CCDC30: variants seen among roughly 807,000 people sequenced by gnomAD.
CCDC30 encodes coiled-coil domain-containing protein 30.
In CCDC30, 70 loss-of-function variants were observed where a neutral mutation model predicts 100.2. The ratio of observed to expected loss-of-function variants is 0.70; its 90% CI spans 0.58 to 0.85. The LOEUF is 0.85. CCDC30 is among the 40% of genes least tolerant of loss of function. The pLI is 0.00. For missense variants in CCDC30, 652 were observed against 771.2 expected (o/e 0.85, Z 1.83); for synonymous variants, 233 against 269.5 (o/e 0.86, Z 1.33).
At chr1:42,534,222 G>A (rs928020828) in intron 6 of CCDC30, among the ~76,000 whole-genome samples, 39 of 137,752 alleles carry the variant, frequency 2.8e-4, no homozygotes, top group African/African-American at 1.3e-3. Flanking sequence ...AAGAAAATGA[G>A]GGGGGGGGTT....
chr1:42,583,400 A>G (rs1397363362), intron 9 of CCDC30, among the ~76,000 whole-genome samples: 2 of 152,214 alleles, frequency 1.3e-5, no homozygotes, highest in Non-Finnish European at 2.9e-5. Flanking sequence ...ATATATAGGG[A>G]AATTCTTCTA....
At chr1:42,621,542 C>T (rs1345610004) in intron 11 of CCDC30, among the ~76,000 whole-genome samples, 3 of 141,080 alleles carry the variant, frequency 2.1e-5, no homozygotes, top group African/African-American at 5.1e-5. Context: ...GATGGACTCT[C>T]GCTCTGTGGT....
chr1:42,533,919 C>T (rs1644848933), intron 6 of CCDC30: 1 of 151,984 alleles, frequency 6.6e-6, no homozygotes, highest in Non-Finnish European at 1.5e-5. Flanking sequence ...CATGCTAAGT[C>T]ATTAGTCCTC....
intron 12 of CCDC30, among the ~76,000 whole-genome samples, chr1:42,642,118 T>C (rs1038883256): frequency 3.6e-4 from 54 of 151,642 alleles, no homozygotes; most frequent in East Asian, 1.4e-3. Flanking sequence ...CCCAGCTACT[T>C]GGGAGGCTGA....
intron 8 of CCDC30, among the ~76,000 whole-genome samples, chr1:42,579,406 G>A (rs973661696): frequency 4.0e-5 from 6 of 151,750 alleles, no homozygotes; most frequent in Non-Finnish European, 8.8e-5. Context: ...GGCCAAGGTG[G>A]GTGGATCACC....
intron 6 of CCDC30, among the ~76,000 whole-genome samples, chr1:42,524,732 A>G (rs1569910156): frequency 6.6e-6 from 1 of 152,336 alleles, no homozygotes; most frequent in Non-Finnish European, 1.5e-5. Flanking sequence ...CTGCAGGGCT[A>G]AGAGCTTAAA....
chr1:42,480,794 C>T (rs757124548), intron 2 of CCDC30, among the ~76,000 whole-genome samples: 18 of 151,980 alleles, frequency 1.2e-4, no homozygotes, highest in Non-Finnish European at 2.1e-4. Flanking sequence ...CAGCTTTCAC[C>T]TTAGAAGTAT....
At chr1:42,456,961 G>C in the CCDC30 span, 1 of 1,604,648 alleles carries the variant, frequency 6.2e-7, no homozygotes, top group South Asian at 1.1e-5. Flanking sequence ...CTGAGGCTCT[G>C]AGGAGCTACC....
chr1:42,459,839 A>G (rs781766081), upstream of CCDC30: 8 of 1,614,108 alleles, frequency 5.0e-6, no homozygotes, highest in African/African-American at 9.3e-5. Context: ...TATCAGAGGA[A>G]GAAATAGAAA....
At chr1:42,556,096 TCCCG>T in intron 6 of CCDC30, 56 bp from the exon 10 acceptor site, 1 of 1,513,074 alleles carries the variant, frequency 6.6e-7, no homozygotes, top group Admixed American at 2.1e-5. Context: ...AGCTTTTTTT[TCCCG>T]ATTCTACTAC....
chr1:42,459,290 G>A (rs905199572), upstream of CCDC30: 1 of 274,076 alleles, frequency 3.6e-6, no homozygotes, highest in Non-Finnish European at 7.0e-6. Context: ...AGCCTCCTGA[G>A]TAGCTGGGAC....
At chr1:42,620,743 C>G (rs564677423) in intron 11 of CCDC30, among the ~76,000 whole-genome samples, 19 of 152,168 alleles carry the variant, frequency 1.2e-4, no homozygotes, top group South Asian at 4.1e-4. Context: ...AAAAGGCACA[C>G]AGCTCACAGA....
intron 6 of CCDC30, among the ~76,000 whole-genome samples, chr1:42,501,006 A>G (rs1644304878): frequency 6.6e-6 from 1 of 152,190 alleles, no homozygotes; most frequent in Non-Finnish European, 1.5e-5. Context: ...TATAAAGAGT[A>G]GAAGTTTTAA....
intron 1 of CCDC30, among the ~76,000 whole-genome samples, chr1:42,479,126 A>G (rs1261054245): frequency 6.6e-6 from 1 of 152,164 alleles, no homozygotes; most frequent in Non-Finnish European, 1.5e-5. Context: ...CTGTAATCTC[A>G]GCACTTTGGG....
intron 10 of CCDC30, among the ~76,000 whole-genome samples, chr1:42,601,887 G>T (rs1397521693): frequency 2.0e-5 from 3 of 152,176 alleles, no homozygotes; most frequent in African/African-American, 7.2e-5. Context: ...TTTGGATCAA[G>T]AATTCAAAAT....
At chr1:42,540,199 G>A (rs974948037) in intron 6 of CCDC30, among the ~76,000 whole-genome samples, 46 of 152,320 alleles carry the variant, frequency 3.0e-4, no homozygotes, top group African/African-American at 9.4e-4. Context: ...CCTATGTGTA[G>A]TTATCCCAGA....
chr1:42,608,781 C>T (rs1235407987), intron 10 of CCDC30, among the ~76,000 whole-genome samples: 1 of 147,006 alleles, frequency 6.8e-6, no homozygotes, highest in African/African-American at 2.5e-5. Context: ...ATAGACACCA[C>T]ATCCAGAGGA....
intron 6 of CCDC30, among the ~76,000 whole-genome samples, chr1:42,502,344 G>A (rs1258648837): frequency 6.6e-6 from 1 of 152,200 alleles, no homozygotes; most frequent in Non-Finnish European, 1.5e-5. Context: ...GTATTAGGGT[G>A]GGAGTGTCCC....
chr1:42,646,253 A>C, exon 15 of CCDC30: 1 of 1,552,216 alleles, frequency 6.4e-7, no homozygotes, highest in African/African-American at 1.4e-5. Context: ...AACAATGCAG[A>C]ACTCCAGCAT....
Sources: allele counts gnomAD v4.1 joint callset (sites outside exome capture counted in the v4.1 genomes callset), GRCh38; gene constraint gnomAD v4.1.1; transcripts MANE v1.5; gene names NCBI Gene and HGNC (gene_info 2026-07-23, HGNC 2026-07-21).